Variants in MLLT10 observed in about 807,000 individuals in gnomAD.
MLLT10 encodes the protein protein AF-10.
In MLLT10, 30 loss-of-function variants were observed where a neutral mutation model predicts 129.1. That is an observed-to-expected ratio of 0.23 (90% CI 0.17 to 0.32). The LOEUF is 0.32. MLLT10 is among the 10% of genes least tolerant of loss of function. MLLT10 has a pLI of 1.00. For missense variants in MLLT10, 1,119 were observed against 1,268.3 expected, an observed-to-expected ratio of 0.88 and a Z score of 1.79; for synonymous variants, 490 against 446.4, an observed-to-expected ratio of 1.10 and a Z score of -1.23.
At chr10:21,557,046 G>T in intron 3 of MLLT10, 1 of 1,417,192 alleles carries the variant, frequency 7.1e-7, no homozygotes, top group Non-Finnish European at 9.2e-7. Context: ...CTGTTTACTT[G>T]ATTTTTTCCC....
intron 9 of MLLT10, among the ~76,000 whole-genome samples, chr10:21,668,488 T>A (rs2131368567): frequency 6.6e-6 from 1 of 152,314 alleles, no homozygotes; most frequent in South Asian, 2.1e-4. Context: ...AGTGTCATTA[T>A]GTGTAATTTA....
At chr10:21,596,857 G>C (rs1355232063) in intron 5 of MLLT10, among the ~76,000 whole-genome samples, 2 of 151,680 alleles carry the variant, frequency 1.3e-5, no homozygotes, top group Admixed American at 1.3e-4. Flanking sequence ...TTTAACATTT[G>C]GTTTTTAATT....
chr10:21,535,220 G>A (rs1476717438), intron 2 of MLLT10, among the ~76,000 whole-genome samples: 7 of 152,100 alleles, frequency 4.6e-5, no homozygotes, highest in Non-Finnish European at 8.8e-5. Flanking sequence ...TTCTCCCCTG[G>A]CCTGCAGCCG....
chr10:21,534,838 C>A, intron 2 of MLLT10, 34 bp downstream of exon 2: 1 of 1,535,552 alleles, frequency 6.5e-7, no homozygotes, highest in Non-Finnish European at 8.8e-7. Flanking sequence ...GGCGCGCCGG[C>A]CTGCGCCCAA....
chr10:21,674,145 T>G (rs2051805299), intron 11 of MLLT10, among the ~76,000 whole-genome samples: 1 of 152,256 alleles, frequency 6.6e-6, no homozygotes. Context: ...AATTTGATTT[T>G]ACTTAATTAA....
chr10:21,663,964 C>G (rs1208282467), intron 9 of MLLT10, among the ~76,000 whole-genome samples: 5 of 152,192 alleles, frequency 3.3e-5, no homozygotes, highest in African/African-American at 1.2e-4. Flanking sequence ...GCAAAGACTT[C>G]TCTCTGCTCC....
intron 9 of MLLT10, among the ~76,000 whole-genome samples, chr10:21,669,915 A>G (rs1728912393): frequency 6.6e-6 from 1 of 151,918 alleles, no homozygotes; most frequent in African/African-American, 2.4e-5. Flanking sequence ...TCTGTTTCAA[A>G]TCTTTCTGTT....
intron 14 of MLLT10, among the ~76,000 whole-genome samples, chr10:21,717,318 G>A (rs1252884192): frequency 1.4e-5 from 2 of 143,088 alleles, no homozygotes; most frequent in Non-Finnish European, 1.5e-5. Context: ...GATTGGGAAG[G>A]GCTAGTAGAA....
chr10:21,735,166 C>T lies in MLLT10; in HGVS notation c.2886C>T (p.Asp962=), dbSNP rs931140513. Residue 962 remains aspartate, a synonymous_variant, in exon 21 of 23, where the codon GAC becomes GAT. Coordinates refer to ENST00000307729, the MANE Select transcript of MLLT10 (RefSeq NM_001195626.3). ...NSASGLGLLS[D]QQRQILIHQQ... is the part of the protein sequence containing the mutation. ...CCTCAGGACTAGGATTACTTTCTGACCAGCAACGACAAATACTTATTCATC... is the reference window on the plus strand; with the variant it reads ...CCTCAGGACTAGGATTACTTTCTGATCAGCAACGACAAATACTTATTCATC... The T allele has an allele frequency of 6.2e-7, 1 of 1,613,906 alleles. No homozygotes were observed. Among genetic ancestry groups the T allele is most frequent in the Non-Finnish European group, 8.5e-7 (1 of 1,179,954 alleles).
At chr10:21,628,546 G>T (rs958571863) in intron 8 of MLLT10, among the ~76,000 whole-genome samples, 1 of 148,922 alleles carries the variant, frequency 6.7e-6, no homozygotes, top group Non-Finnish European at 1.5e-5. Context: ...GGTTCAAGCA[G>T]TTCTCCCGCC....
At chr10:21,716,455 G>A (rs917754261) in intron 14 of MLLT10, among the ~76,000 whole-genome samples, 22 of 152,310 alleles carry the variant, frequency 1.4e-4, no homozygotes, top group African/African-American at 5.3e-4. Context: ...CACTTTGGGA[G>A]GCCACGGTGG....
chr10:21,632,462 C>A (rs780563769), intron 8 of MLLT10, among the ~76,000 whole-genome samples: 4 of 152,064 alleles, frequency 2.6e-5, no homozygotes, highest in Non-Finnish European at 5.9e-5. Flanking sequence ...TCACCTGTGG[C>A]AAATGACCTA....
chr10:21,654,433 A>G (rs950944942), intron 9 of MLLT10, among the ~76,000 whole-genome samples: 13 of 152,240 alleles, frequency 8.5e-5, no homozygotes, highest in African/African-American at 3.1e-4. Context: ...TGGGGAAAAT[A>G]TCTTGTGATA....
At chr10:21,593,673 T>A (rs2042723164) in intron 4 of MLLT10, among the ~76,000 whole-genome samples, 1 of 151,982 alleles carries the variant, frequency 6.6e-6, no homozygotes, top group South Asian at 2.1e-4. Context: ...ATGTCTGTAT[T>A]CCCACCACTT....
intron 15 of MLLT10, among the ~76,000 whole-genome samples, 160 bp from the exon 16 acceptor site, chr10:21,727,696 C>T (rs1459550183): frequency 6.6e-6 from 1 of 152,054 alleles, no homozygotes. Flanking sequence ...CACAGTTCAG[C>T]AATTCTGAAC....
At chr10:21,650,130 G>A (rs927223708) in intron 8 of MLLT10, among the ~76,000 whole-genome samples, 5 of 152,056 alleles carry the variant, frequency 3.3e-5, no homozygotes, top group Non-Finnish European at 5.9e-5. Context: ...CCAGCTACTC[G>A]GGAGGCTGAG....
chr10:21,655,920 G>C (rs1238170909), intron 9 of MLLT10, among the ~76,000 whole-genome samples: 1 of 152,206 alleles, frequency 6.6e-6, no homozygotes, highest in Non-Finnish European at 1.5e-5. Context: ...GCTTTCAGCT[G>C]TTGAAGGAGG....
intron 3 of MLLT10, among the ~76,000 whole-genome samples, chr10:21,559,242 C>T (rs559123268): frequency 1.3e-5 from 2 of 152,152 alleles, no homozygotes; most frequent in African/African-American, 4.8e-5. Context: ...CGCCACCACG[C>T]CTGACTAATT....
chr10:21,604,226 C>T (rs887350991), intron 5 of MLLT10, among the ~76,000 whole-genome samples: 2 of 152,168 alleles, frequency 1.3e-5, no homozygotes, highest in African/African-American at 4.8e-5. Context: ...ATAATAAACT[C>T]AGAAAGTCCC....
Sources: gnomAD v4.1 joint callset for allele counts (sites outside exome capture counted in the v4.1 genomes callset) on GRCh38, gnomAD v4.1.1 for gene constraint, MANE v1.5 for transcripts, NCBI Gene and HGNC (gene_info 2026-07-23, HGNC 2026-07-21) for gene names.